CAPZA2: variants seen among roughly 807,000 people sequenced by gnomAD.
CAPZA2 encodes F-actin-capping protein subunit alpha-2.
In CAPZA2, 13 loss-of-function variants were observed where a neutral mutation model predicts 44.0. The ratio of observed to expected loss-of-function variants is 0.30; its 90% CI spans 0.19 to 0.47. The LOEUF (loss-of-function observed/expected upper bound fraction) is 0.47, where lower values mean the gene tolerates loss of function less well. Among genes scored for constraint, CAPZA2 ranks in the 20% least tolerant of loss-of-function variants. The probability of loss-of-function intolerance (pLI) is 1.00; values close to 1 mark genes in which losing one functional copy is unlikely to be tolerated. For missense variants in CAPZA2, 244 were observed against 338.6 expected (o/e 0.72, Z 2.19); for synonymous variants, 94 against 108.2 (o/e 0.87, Z 0.81).
chr7:116,894,499 GT>G (rs761087537), intron 3 of CAPZA2, among the ~76,000 whole-genome samples: 1 of 152,094 alleles, frequency 6.6e-6, no homozygotes, highest in Non-Finnish European at 1.5e-5. Context: ...GCTTTTGCTT[GT>G]GATTAAAATT....
At chr7:116,899,817 C>G (rs562463146) in intron 4 of CAPZA2, among the ~76,000 whole-genome samples, 31 of 150,862 alleles carry the variant, frequency 2.1e-4, no homozygotes, top group Non-Finnish European at 3.6e-4. Context: ...CTTTATGAAC[C>G]TAGTGTAATT....
intron 1 of CAPZA2, among the ~76,000 whole-genome samples, chr7:116,867,277 A>T (rs1439556144): frequency 6.6e-6 from 1 of 152,120 alleles, no homozygotes; most frequent in African/African-American, 2.4e-5. Flanking sequence ...AAAATGTCTC[A>T]TATCTGTTCT....
chr7:116,879,268 G>A (rs1364390593), intron 1 of CAPZA2, among the ~76,000 whole-genome samples: 3 of 152,052 alleles, frequency 2.0e-5, no homozygotes, highest in African/African-American at 7.2e-5. Context: ...GACTAGTAGA[G>A]GTTAGAAATC....
chr7:116,912,575 T>A (rs1791612075), intron 8 of CAPZA2, among the ~76,000 whole-genome samples: 1 of 152,208 alleles, frequency 6.6e-6, no homozygotes, highest in Non-Finnish European at 1.5e-5. Context: ...TTGATATAAA[T>A]GTAATCATAA....
chr7:116,879,138 A>AAAAAAAAAAAAG (rs1796657437), intron 1 of CAPZA2, among the ~76,000 whole-genome samples: 1 of 151,088 alleles, frequency 6.6e-6, no homozygotes. Flanking sequence ...AAAAAAAAAA[A>AAAAAAAAAAAAG]AAAAAAAAAA....
At chr7:116,907,503 G>T (rs1791533673) in intron 6 of CAPZA2, among the ~76,000 whole-genome samples, 1 of 152,154 alleles carries the variant, frequency 6.6e-6, no homozygotes, top group South Asian at 2.1e-4. Context: ...TTGAGATGGA[G>T]CTACTATTAG....
chr7:116,878,523 A>G (rs1415470408), intron 1 of CAPZA2, among the ~76,000 whole-genome samples: 1 of 152,210 alleles, frequency 6.6e-6, no homozygotes, highest in Non-Finnish European at 1.5e-5. Flanking sequence ...ACTGAGGTTT[A>G]CAGAAGTTAA....
chr7:116,898,723 A>G, intron 3 of CAPZA2, 49 bp from the exon 4 acceptor site: 1 of 1,274,626 alleles, frequency 7.8e-7, no homozygotes, highest in South Asian at 1.4e-5. Context: ...TTGTTTTTAA[A>G]AAACATTAAA....
At chr7:116,903,279 C>T (rs1293411928) in intron 4 of CAPZA2, among the ~76,000 whole-genome samples, 3 of 145,818 alleles carry the variant, frequency 2.1e-5, no homozygotes, top group Admixed American at 6.8e-5. Flanking sequence ...TGTACGTACA[C>T]ACACACATTT....
At chr7:116,866,943 T>G (rs143973404) in intron 1 of CAPZA2, among the ~76,000 whole-genome samples, 1 of 152,322 alleles carries the variant, frequency 6.6e-6, no homozygotes, top group Non-Finnish European at 1.5e-5. Flanking sequence ...GGGTATAATC[T>G]ACTCTTGATA....
chr7:116,888,678 CAAA>C (rs757527471), intron 2 of CAPZA2: 6 of 52,478 alleles, frequency 1.1e-4, no homozygotes, highest in Admixed American at 2.2e-4. Flanking sequence ...TTGTCTCTAC[CAAA>C]AAAAAAAAAA....
intron 1 of CAPZA2, among the ~76,000 whole-genome samples, chr7:116,887,539 GAAATA>G (rs983507680): frequency 4.0e-5 from 6 of 148,966 alleles, no homozygotes; most frequent in Non-Finnish European, 6.0e-5. Context: ...AAAAAAAAAT[GAAATA>G]AAATAGGCCA....
At chr7:116,907,017 G>A (rs185743348) in intron 6 of CAPZA2, among the ~76,000 whole-genome samples, 1 of 152,260 alleles carries the variant, frequency 6.6e-6, no homozygotes, top group Non-Finnish European at 1.5e-5. Context: ...AAATCTTTAC[G>A]TTTATCCCTG....
intron 2 of CAPZA2, chr7:116,888,429 C>T (rs1054013321): frequency 2.6e-6 from 1 of 387,462 alleles, no homozygotes; most frequent in Non-Finnish European, 4.6e-6. Flanking sequence ...ATTCATATCA[C>T]TGACTAGAAT....
chr7:116,891,647 G>A (rs986690634), intron 2 of CAPZA2, among the ~76,000 whole-genome samples: 2 of 152,110 alleles, frequency 1.3e-5, no homozygotes, highest in African/African-American at 4.8e-5. Flanking sequence ...AAGCAGCTGG[G>A]ACCCTAGGTG....
intron 4 of CAPZA2, among the ~76,000 whole-genome samples, chr7:116,899,605 G>T: frequency 6.6e-6 from 1 of 150,618 alleles, no homozygotes. Flanking sequence ...ACAAAGCTAT[G>T]TAGAGTGTCA....
At chr7:116,877,152 G>A (rs1244780964) in intron 1 of CAPZA2, among the ~76,000 whole-genome samples, 4 of 152,162 alleles carry the variant, frequency 2.6e-5, no homozygotes, top group South Asian at 2.1e-4. Flanking sequence ...CAAGGCACAC[G>A]TAATATTGAG....
chr7:116,879,391 ACAAT>A (rs1366428890), intron 1 of CAPZA2, among the ~76,000 whole-genome samples: 14 of 152,158 alleles, frequency 9.2e-5, no homozygotes, highest in Non-Finnish European at 2.1e-4. Context: ...TTGAAAATTA[ACAAT>A]CTATCTACAG....
intron 3 of CAPZA2, among the ~76,000 whole-genome samples, chr7:116,893,942 T>C (rs1796885650): frequency 6.6e-6 from 1 of 152,232 alleles, no homozygotes; most frequent in Non-Finnish European, 1.5e-5. Context: ...CTAGAGACTG[T>C]TATTTTAGGC....
Sources: gnomAD v4.1 joint callset for allele counts (sites outside exome capture counted in the v4.1 genomes callset) on GRCh38, gnomAD v4.1.1 for gene constraint, MANE v1.5 for transcripts, NCBI Gene and HGNC (gene_info 2026-07-23, HGNC 2026-07-21) for gene names.